MACROH2A1: variants seen among roughly 807,000 people sequenced by gnomAD.
The protein encoded by MACROH2A1 is macroH2A.1 histone, also known as core histone macro-H2A.1.
MACROH2A1 carries 2 observed loss-of-function variants against 31.6 expected under a neutral mutation model. The observed-to-expected ratio is 0.06, with a 90% CI of 0.03 to 0.20. MACROH2A1 has a LOEUF of 0.20. Among genes scored for constraint, MACROH2A1 ranks in the 10% least tolerant of loss-of-function variants. The pLI is 1.00. For synonymous variants in MACROH2A1, 169 were observed against 189.6 expected, an observed-to-expected ratio of 0.89 and a Z score of 0.89; for missense variants, 230 against 474.0, an observed-to-expected ratio of 0.49 and a Z score of 4.78.
chr5:135,366,877 C>A (rs896960821), intron 4 of MACROH2A1, among the ~76,000 whole-genome samples: 3 of 152,166 alleles, frequency 2.0e-5, no homozygotes, highest in Non-Finnish European at 2.9e-5. Flanking sequence ...AGAGAGGGAA[C>A]AGACTTGCCT....
chr5:135,380,195 G>A (rs116822818), intron 2 of MACROH2A1, among the ~76,000 whole-genome samples: 4,710 of 152,112 alleles, frequency 0.031, 268 homozygotes, highest in African/African-American at 0.11. Context: ...ATGTAGCTGC[G>A]GAATATCTGG....
At chr5:135,342,659 C>A (rs1355892625) in intron 8 of MACROH2A1, among the ~76,000 whole-genome samples, 1 of 152,164 alleles carries the variant, frequency 6.6e-6, no homozygotes, top group Non-Finnish European at 1.5e-5. Flanking sequence ...TGGAGTAGGG[C>A]CCAGCCCTGT....
intron 6 of MACROH2A1, chr5:135,347,526 A>G (rs1344373277): frequency 1.3e-5 from 2 of 152,260 alleles, no homozygotes; most frequent in Non-Finnish European, 2.9e-5. Flanking sequence ...AAAGCAGCAC[A>G]GGCTTTAAAT....
intron 6 of MACROH2A1, 58 bp from the exon 7 acceptor site, chr5:135,346,115 A>C (rs1760799415): frequency 1.0e-6 from 1 of 974,074 alleles, no homozygotes; most frequent in Non-Finnish European, 1.7e-6. Context: ...ACACACAGAC[A>C]CTTAGCATGT....
chr5:135,353,947 T>C (rs1761887034), intron 5 of MACROH2A1: 2 of 152,202 alleles, frequency 1.3e-5, no homozygotes, highest in South Asian at 2.1e-4. Flanking sequence ...CTGTCCCAGG[T>C]CCTACTATTC....
chr5:135,360,409 G>A lies in MACROH2A1; in HGVS notation c.588+88C>T, dbSNP rs562517055. The A allele has an allele frequency of 4.5e-5, 40 of 894,556 alleles. No individual in the cohort carries two copies. The South Asian group carries it at 5.5e-4, about 12-fold the overall frequency. 55.4% of individuals were successfully genotyped at this position (894,556 alleles called of 1,614,324 possible). A position where few individuals can be genotyped will look rare whatever the true frequency, so the allele number is the denominator to read the frequency against. ...ACCCACGAGGCTGGGAGTGGCCCCC[G>A]GGATCCCCCCAGCCTTCCAGTGGAA... is the stretch of plus-strand genomic sequence containing the variant. On this transcript the variant is annotated intron_variant, in intron 5 of 8. Coordinates refer to ENST00000511689, the MANE Select transcript of MACROH2A1 (RefSeq NM_138610.3).
intron 7 of MACROH2A1, chr5:135,345,664 A>ATCAC: frequency 3.3e-6 from 1 of 305,442 alleles, no homozygotes; most frequent in Non-Finnish European, 6.1e-6. Context: ...ATGGCTCAGT[A>ATCAC]TCACTCACTC....
chr5:135,340,142 G>T (rs968893726), intron 8 of MACROH2A1, among the ~76,000 whole-genome samples: 1 of 152,122 alleles, frequency 6.6e-6, no homozygotes, highest in Non-Finnish European at 1.5e-5. Context: ...GGGAGGCAGG[G>T]GTTCCATGAG....
intron 2 of MACROH2A1, among the ~76,000 whole-genome samples, chr5:135,382,843 C>A (rs1765837234): frequency 6.6e-6 from 1 of 152,170 alleles, no homozygotes; most frequent in Non-Finnish European, 1.5e-5. Context: ...AAAGTAGGCC[C>A]AGATCATGTT....
chr5:135,368,504 T>A (rs1763797207), intron 4 of MACROH2A1, among the ~76,000 whole-genome samples: 1 of 152,226 alleles, frequency 6.6e-6, no homozygotes. Context: ...CATGGGTAAT[T>A]TCCTCCTGAT....
intron 7 of MACROH2A1, 167 bp downstream of exon 7, chr5:135,345,801 C>T: frequency 3.6e-6 from 2 of 563,108 alleles, no homozygotes; most frequent in Non-Finnish European, 6.4e-6. Context: ...AGACAACCTG[C>T]ATGTGGTGAA....
At chr5:135,371,578 A>G (rs913095955) in intron 2 of MACROH2A1, among the ~76,000 whole-genome samples, 2 of 152,182 alleles carry the variant, frequency 1.3e-5, no homozygotes, top group African/African-American at 2.4e-5. Flanking sequence ...ACTAGGAAGT[A>G]CCCTTTGGCA....
In MACROH2A1 at chr5:135,343,771, A is replaced by G. The variant is rs1760350001; in HGVS notation, c.779-337T>C. ...ACTGAACGCAAACTCAACGTGTCAG[A>G]ACATTTGCAGCCTCAAAATAATTGT... On this transcript the variant is annotated intron_variant, in intron 7 of 8. Transcript: ENST00000511689. The G allele has an allele frequency of 1.6e-5, 5 of 310,744 alleles. No individual in the cohort carries two copies. The South Asian group carries it at 2.2e-4, about 14-fold the overall frequency. The allele number at this position is 310,744 out of a possible 1,614,324, so 19.2% of individuals were successfully genotyped here. A position where few individuals can be genotyped will look rare whatever the true frequency, so the allele number is the denominator to read the frequency against.
At chr5:135,370,358 G>A (rs2149846484) in intron 2 of MACROH2A1, among the ~76,000 whole-genome samples, 1 of 152,318 alleles carries the variant, frequency 6.6e-6, no homozygotes, top group South Asian at 2.1e-4. Flanking sequence ...TTTGGGAGAT[G>A]AAGGAACTGA....
intron 1 of MACROH2A1, 37 bp from the exon 2 acceptor site, chr5:135,389,163 G>A (rs1405653069): frequency 1.3e-6 from 2 of 1,496,852 alleles, no homozygotes; most frequent in Non-Finnish European, 9.1e-7. Flanking sequence ...AGGGTGGCTG[G>A]GGACAGCACA....
intron 6 of MACROH2A1, chr5:135,346,879 CCAAA>C (rs1293563676): frequency 6.6e-6 from 1 of 152,140 alleles, no homozygotes; most frequent in Non-Finnish European, 1.5e-5. Flanking sequence ...AACCAAGTTC[CCAAA>C]CAAGATCACC....
At chr5:135,363,195 C>CA (rs113768626) in intron 4 of MACROH2A1, among the ~76,000 whole-genome samples, 8,161 of 135,212 alleles carry the variant, frequency 0.06, 593 homozygotes, top group African/African-American at 0.19. Flanking sequence ...ACCAAAAATA[C>CA]AAAAAAAAAA....
chr5:135,378,980 AACAGCAGATATTGACTTTTAGCAGTCAAT>A (rs1765283353), intron 2 of MACROH2A1, among the ~76,000 whole-genome samples: 1 of 152,226 alleles, frequency 6.6e-6, no homozygotes, highest in Non-Finnish European at 1.5e-5. Flanking sequence ...TTTCTGAATG[AACAGCAGATATTGACTTTTAGCAGTCAAT>A]ACTCAGATTT....
chr5:135,389,368 G>A, intron 1 of MACROH2A1: 1 of 307,924 alleles, frequency 3.2e-6, no homozygotes, highest in Non-Finnish European at 6.0e-6. Context: ...TTGCCATTAT[G>A]CCACATGATG....
Sources: allele counts gnomAD v4.1 joint callset (sites outside exome capture counted in the v4.1 genomes callset), GRCh38; gene constraint gnomAD v4.1.1; transcripts MANE v1.5; gene names NCBI Gene and HGNC (gene_info 2026-07-23, HGNC 2026-07-21).